The following LIPJ variants were observed in gnomAD, a reference collection of about 807,000 sequenced individuals.
LIPJ encodes lipase member J.
A neutral mutation model predicts 39.8 loss-of-function variants in LIPJ; 33 were observed. The ratio of observed to expected loss-of-function variants is 0.83; its 90% CI spans 0.63 to 1.11. The LOEUF is 1.11. Ranked by LOEUF, LIPJ falls within the 50% of genes least tolerant of loss-of-function variation. The pLI is 0.00. For missense variants in LIPJ, 422 were observed against 427.9 expected (o/e 0.99, Z 0.12); for synonymous variants, 128 against 139.2 (o/e 0.92, Z 0.57).
the LIPJ span, among the ~76,000 whole-genome samples, chr10:88,619,956 A>G: frequency 2.0e-5 from 3 of 152,114 alleles, no homozygotes; most frequent in Admixed American, 2.0e-4. Flanking sequence ...CTAAAAAAAT[A>G]AAAAAACAAG....
At chr10:88,590,418 G>C (rs1313274936) in intron 2 of LIPJ, among the ~76,000 whole-genome samples, 167 bp from the exon 3 acceptor site, 1 of 151,762 alleles carries the variant, frequency 6.6e-6, no homozygotes, top group African/African-American at 2.4e-5. Context: ...CTGACTGCCA[G>C]TTATACATTT....
intron 9 of LIPJ, among the ~76,000 whole-genome samples, chr10:88,603,152 A>G: frequency 6.6e-6 from 1 of 152,160 alleles, no homozygotes; most frequent in East Asian, 1.9e-4. Context: ...AAACCTAAGT[A>G]CTGTTACAGC....
chr10:88,613,788 A>ATATATGTGTGTGTGTGTGTG, the LIPJ span, among the ~76,000 whole-genome samples: 1 of 51,024 alleles, frequency 2.0e-5, no homozygotes, highest in Non-Finnish European at 3.5e-5. Context: ...ATATATATAT[A>ATATATGTGTGTGTGTGTGTG]TATATATATA....
chr10:88,596,562 C>T, intron 7 of LIPJ, 146 bp downstream of exon 7: 1 of 951,664 alleles, frequency 1.1e-6, no homozygotes. Flanking sequence ...GTTTTTGTTT[C>T]TGCAAAGGAA....
chr10:88,590,772 A>G lies in LIPJ; in HGVS notation c.9+76A>G. The G allele has an allele frequency of 2.7e-6, 3 of 1,111,264 alleles. No individual in the cohort carries two copies. The South Asian group carries it at 3.9e-5, about 14-fold the overall frequency. The allele number at this position is 1,111,264 out of a possible 1,614,324, so 68.8% of individuals were successfully genotyped here. A position where few individuals can be genotyped will look rare whatever the true frequency, so the allele number is the denominator to read the frequency against. The stretch of plus-strand genomic sequence containing the variant: ...CTTTTCAAATTTGGAATTTTAACTT[A>G]ATAGATTTACAGTCAAACGTATACA... On this transcript the variant is annotated intron_variant, in intron 3 of 10. Transcript: ENST00000371939.
At chr10:88,599,352 T>G (rs1054940158) in intron 8 of LIPJ, among the ~76,000 whole-genome samples, 1 of 152,036 alleles carries the variant, frequency 6.6e-6, no homozygotes, top group Non-Finnish European at 1.5e-5. Flanking sequence ...TCCTGTACAT[T>G]AAATCCTCAA....
chr10:88,585,235 G>C (rs1850869908), upstream of LIPJ, among the ~76,000 whole-genome samples: 1 of 152,170 alleles, frequency 6.6e-6, no homozygotes, highest in East Asian at 1.9e-4. Flanking sequence ...GGTGAAGCAA[G>C]GGCAGGCCTT....
At chr10:88,606,638 C>A (rs762563808) in intron 10 of LIPJ, 36 bp from the exon 11 acceptor site, 1 of 1,275,900 alleles carries the variant, frequency 7.8e-7, no homozygotes, top group South Asian at 1.2e-5. Flanking sequence ...TGTATCATCT[C>A]CTATGAAAAC....
chr10:88,620,212 A>C, the LIPJ span, among the ~76,000 whole-genome samples: 10 of 152,150 alleles, frequency 6.6e-5, no homozygotes, highest in African/African-American at 2.2e-4. Flanking sequence ...ACAGACTGAA[A>C]AGTACTAAAG....
downstream of LIPJ, among the ~76,000 whole-genome samples, chr10:88,611,045 T>C (rs190006509): frequency 3.0e-4 from 46 of 152,304 alleles, no homozygotes; most frequent in Non-Finnish European, 2.8e-4. Context: ...AGAGCAGTGC[T>C]GGTATCCACA....
the LIPJ span, among the ~76,000 whole-genome samples, chr10:88,613,770 G>GTGTATATA: frequency 8.9e-4 from 67 of 75,522 alleles, no homozygotes; most frequent in Middle Eastern, 7.4e-3. Flanking sequence ...ATGTGTGTGT[G>GTGTATATA]TATATATATA....
chr10:88,583,506 A>G (rs1850786340), upstream of LIPJ: 2 of 1,203,686 alleles, frequency 1.7e-6, no homozygotes, highest in African/African-American at 3.2e-5. Context: ...TGTTGGGAGA[A>G]CCCGCCTCGC....
chr10:88,584,088 C>T (rs556199497), upstream of LIPJ: 1 of 151,836 alleles, frequency 6.6e-6, no homozygotes, highest in Admixed American at 6.6e-5. Flanking sequence ...ACTAAGAAAC[C>T]GAATAAGTAT....
At chr10:88,588,481 T>C (rs1850981324) in intron 2 of LIPJ, among the ~76,000 whole-genome samples, 1 of 151,916 alleles carries the variant, frequency 6.6e-6, no homozygotes, top group African/African-American at 2.4e-5. Context: ...TCATTATTAT[T>C]GAATTGCATT....
rs373191608 is a variant in LIPJ, at chr10:88,594,176, A to G, written c.329+32A>G. 38 of 1,528,176 alleles carry G rather than the reference A, an allele frequency of 2.5e-5. No homozygotes were observed. The Middle Eastern group carries it at 6.2e-4, about 25-fold the overall frequency. 94.7% of individuals were successfully genotyped at this position (1,528,176 alleles called of 1,614,324 possible). A position where few individuals can be genotyped will look rare whatever the true frequency, so the allele number is the denominator to read the frequency against. On this transcript the variant is annotated intron_variant, in intron 5 of 10. Coordinates refer to ENST00000371939, the Ensembl canonical transcript of LIPJ. ...ATAAAATGAAGTAACATTTCATTTT[A>G]TAAGTGTATACAAATTTTTCATTTT... is the stretch of plus-strand genomic sequence containing the variant.
At chr10:88,601,019 G>C (rs1851455918) in intron 8 of LIPJ, among the ~76,000 whole-genome samples, 1 of 151,900 alleles carries the variant, frequency 6.6e-6, no homozygotes, top group Non-Finnish European at 1.5e-5. Flanking sequence ...TGCAATCTTG[G>C]CTCACTGCAA....
chr10:88,583,054 T>G (rs745308080), upstream of LIPJ: 1 of 1,606,464 alleles, frequency 6.2e-7, no homozygotes, highest in Admixed American at 1.7e-5. Context: ...TCCCAGGTTT[T>G]GGCGTTTAGA....
At chr10:88,597,759 A>G (rs1355478677) in intron 8 of LIPJ, among the ~76,000 whole-genome samples, 4 of 152,090 alleles carry the variant, frequency 2.6e-5, no homozygotes, top group African/African-American at 9.6e-5. Flanking sequence ...TAAAGATATG[A>G]GAAGGCAGAA....
the LIPJ span, chr10:88,618,301 T>A: frequency 6.6e-6 from 1 of 152,298 alleles, no homozygotes; most frequent in Non-Finnish European, 1.5e-5. Context: ...GGCCTTTTTC[T>A]TTATTCTGTG....
Sources: gnomAD v4.1 joint callset for allele counts (sites outside exome capture counted in the v4.1 genomes callset) on GRCh38, gnomAD v4.1.1 for gene constraint, MANE v1.5 for transcripts, NCBI Gene and HGNC (gene_info 2026-07-23, HGNC 2026-07-21) for gene names.